CALD1: variants seen among roughly 807,000 people sequenced by gnomAD.
CALD1 encodes the protein caldesmon.
Under a neutral mutation model 99.9 loss-of-function variants are expected in CALD1, and 33 were observed. That is an observed-to-expected ratio of 0.33 (90% CI 0.25 to 0.44). CALD1 has a LOEUF of 0.44. CALD1 is among the 20% of genes least tolerant of loss of function. CALD1 has a pLI of 1.00. For synonymous variants in CALD1, 310 were observed against 325.0 expected, an observed-to-expected ratio of 0.95 and a Z score of 0.50; for missense variants, 861 against 962.1, an observed-to-expected ratio of 0.89 and a Z score of 1.39.
At chr7:134,782,961 A>G (rs1797165806) in intron 1 of CALD1, among the ~76,000 whole-genome samples, 1 of 152,224 alleles carries the variant, frequency 6.6e-6, no homozygotes, top group Non-Finnish European at 1.5e-5. Context: ...AATATAAGGA[A>G]GTGGAATAAG....
chr7:134,772,958 C>T (rs1796888144), intron 1 of CALD1, among the ~76,000 whole-genome samples: 1 of 152,134 alleles, frequency 6.6e-6, no homozygotes, highest in African/African-American at 2.4e-5. Flanking sequence ...TTTTGTCCTC[C>T]TTCTTGGTTT....
At chr7:134,835,081 T>G (rs1799379481) in intron 1 of CALD1, among the ~76,000 whole-genome samples, 1 of 152,262 alleles carries the variant, frequency 6.6e-6, no homozygotes, top group South Asian at 2.1e-4. Flanking sequence ...CACTAGTTAC[T>G]CTTTCAGCTG....
At chr7:134,951,148 G>A (rs1421108994) in intron 9 of CALD1, among the ~76,000 whole-genome samples, 2 of 152,022 alleles carry the variant, frequency 1.3e-5, no homozygotes, top group Non-Finnish European at 2.9e-5. Context: ...CATTCACAAG[G>A]GCCTCACCCT....
Position 134,933,588 on chromosome 7 carries a change from A to T in CALD1, c.819A>T (p.Glu273Asp). 1 of 1,613,300 alleles carries T rather than the reference A, an allele frequency of 6.2e-7. No individual in the cohort carries two copies. The highest frequency in any genetic ancestry group is 8.5e-7 in the Non-Finnish European group (1 of 1,179,648). The change falls in exon 5 of 15, where the codon GAA becomes GAT. Residue 273 changes from glutamate (E) to aspartate (D), a missense_variant. Physicochemically the swap from Glu to Asp is conservative, Grantham distance 45 (BLOSUM62 2). This residue lies in a region of CALD1 where 234 missense variants were observed against 233.1 expected (regional missense o/e 1.00). Transcript: ENST00000361675. ...ERAEAERARL[E>D]AEERERIKAE... ...CTGAGGCAGAGAGGGCAAGGTTGGA[A>T]GCAGAAGAAAGAGAAAGAATTAAAG... is the stretch of plus-strand genomic sequence containing the variant.
Position 134,958,283 on chromosome 7 carries a change from C to T in CALD1, c.2054C>T (p.Ala685Val), listed in dbSNP as rs1807928657. 2 of 1,612,632 alleles carry T rather than the reference C, an allele frequency of 1.2e-6. No homozygotes were observed. The highest frequency in any genetic ancestry group is 1.1e-5 in the South Asian group (1 of 91,052). ...AGCAGACTGGAGCAGTATACCAGTG[C>T]AATTGAGGTGAGAATTGTCCTCAGC... ...IDSRLEQYTS[A>V]IEGTKSAKPT... is the part of the protein sequence containing the mutation. Residue 685 changes from alanine (A) to valine (V), a missense_variant, in exon 11 of 15, where the codon GCA becomes GTA. By Grantham distance (64) the Ala-to-Val change is moderately conservative. Transcript: ENST00000361675.
At chr7:134,899,822 T>G (rs1428135897) in intron 3 of CALD1, 1 of 152,138 alleles carries the variant, frequency 6.6e-6, no homozygotes, top group Non-Finnish European at 1.5e-5. Flanking sequence ...TTAAAAATTT[T>G]TTTTTGTAGA....
At chr7:134,766,141 CTTTTT>C (rs71172475) in intron 1 of CALD1, among the ~76,000 whole-genome samples, 228 of 70,808 alleles carry the variant, frequency 3.2e-3, no homozygotes, top group African/African-American at 0.013. Flanking sequence ...CTTTTCTTTT[CTTTTT>C]TTTTTTTTTT....
chr7:134,846,437 C>T (rs1216139196), intron 2 of CALD1, among the ~76,000 whole-genome samples: 2 of 152,176 alleles, frequency 1.3e-5, no homozygotes, highest in East Asian at 1.9e-4. Flanking sequence ...TACCAGCCTC[C>T]CCTCTCTAGG....
At chr7:134,809,721 GAAA>G (rs1194681773) in intron 1 of CALD1, 1 of 152,098 alleles carries the variant, frequency 6.6e-6, no homozygotes, top group East Asian at 1.9e-4. Flanking sequence ...AGTCACATTG[GAAA>G]ACAAAGAAAA....
At chr7:134,912,655 C>T (rs1803901479) in intron 3 of CALD1, among the ~76,000 whole-genome samples, 1 of 152,158 alleles carries the variant, frequency 6.6e-6, no homozygotes. Context: ...AAGATGTAAA[C>T]ATGTAACCTA....
chr7:134,766,147 T>C (rs1210182918), intron 1 of CALD1, among the ~76,000 whole-genome samples: 33 of 123,774 alleles, frequency 2.7e-4, no homozygotes, highest in African/African-American at 1.0e-3. Context: ...TTTTCTTTTT[T>C]TTTTTTTTTT....
intron 13 of CALD1, chr7:134,962,430 T>C (rs1808348037): frequency 6.8e-6 from 1 of 146,942 alleles, no homozygotes; most frequent in Non-Finnish European, 1.5e-5. Context: ...CTGCTTTACC[T>C]ACTAATTAGT....
At chr7:134,725,659 T>A in the CALD1 span, among the ~76,000 whole-genome samples, 1 of 152,226 alleles carries the variant, frequency 6.6e-6, no homozygotes, top group Admixed American at 6.5e-5. Context: ...CCCAAAGACA[T>A]TGGATTTTAA....
At chr7:134,851,793 T>A (rs1800094613) in intron 2 of CALD1, among the ~76,000 whole-genome samples, 1 of 152,272 alleles carries the variant, frequency 6.6e-6, no homozygotes, top group Non-Finnish European at 1.5e-5. Flanking sequence ...TGCTCAAAAC[T>A]CATTGGCCAG....
intron 1 of CALD1, among the ~76,000 whole-genome samples, chr7:134,792,773 C>A (rs984099328): frequency 2.0e-5 from 3 of 152,156 alleles, no homozygotes; most frequent in Non-Finnish European, 4.4e-5. Flanking sequence ...CATAGTATGT[C>A]CCAACTCACA....
intron 3 of CALD1, among the ~76,000 whole-genome samples, chr7:134,893,427 G>A (rs1802343585): frequency 6.6e-6 from 1 of 152,098 alleles, no homozygotes; most frequent in Non-Finnish European, 1.5e-5. Context: ...AATAAATGAT[G>A]GGCATAATTT....
chr7:134,942,373 G>T (rs763798149), intron 7 of CALD1, among the ~76,000 whole-genome samples: 5 of 152,022 alleles, frequency 3.3e-5, no homozygotes, highest in Non-Finnish European at 7.4e-5. Flanking sequence ...AAATACGGTT[G>T]CCCCAAAACA....
At chr7:134,929,532 T>C (rs965370398) in intron 4 of CALD1, among the ~76,000 whole-genome samples, 2 of 149,054 alleles carry the variant, frequency 1.3e-5, no homozygotes, top group Non-Finnish European at 3.0e-5. Context: ...CTTCAAATAA[T>C]GGTCTCCAAC....
intron 1 of CALD1, among the ~76,000 whole-genome samples, chr7:134,825,998 A>G (rs1411270147): frequency 6.6e-6 from 1 of 152,140 alleles, no homozygotes; most frequent in Non-Finnish European, 1.5e-5. Context: ...AGCCCTTTCA[A>G]GTATCATTCC....
Sources: allele counts gnomAD v4.1 joint callset (sites outside exome capture counted in the v4.1 genomes callset), GRCh38; gene constraint gnomAD v4.1.1; regional missense constraint gnomAD v4.1.1; transcripts MANE v1.5; gene names NCBI Gene and HGNC (gene_info 2026-07-23, HGNC 2026-07-21).